The following DYNLL2 variants were observed in gnomAD, a reference collection of about 807,000 sequenced individuals.
DYNLL2 encodes the protein dynein light chain 2, cytoplasmic.
Under a neutral mutation model 9.7 loss-of-function variants are expected in DYNLL2, and 1 was observed. The ratio of observed to expected loss-of-function variants is 0.10; its 90% CI spans 0.04 to 0.49. The LOEUF (loss-of-function observed/expected upper bound fraction) is 0.49, where lower values mean the gene tolerates loss of function less well. Ranked by LOEUF, DYNLL2 falls within the 20% of genes least tolerant of loss-of-function variation. The pLI, the probability that DYNLL2 is intolerant of heterozygous loss-of-function variation, is 0.95. For missense variants in DYNLL2, 37 were observed against 115.2 expected (o/e 0.32, Z 3.11); for synonymous variants, 35 against 40.5 (o/e 0.86, Z 0.52).
rs1385227415 is a variant in DYNLL2, at chr17:58,093,933, T to G, written c.*4654T>G. The G allele has an allele frequency of 6.6e-6, 1 of 152,184 alleles. No individual in the cohort carries two copies. Among genetic ancestry groups the G allele is most frequent in the Non-Finnish European group, 1.5e-5 (1 of 68,040 alleles). The allele number at this position is 152,184 out of a possible 1,614,324, so 9.4% of individuals were successfully genotyped here. A position where few individuals can be genotyped will look rare whatever the true frequency, so the allele number is the denominator to read the frequency against. Reference sequence around the variant, plus strand: ...TGTGGGCTTGGTGTCCACATCAATGTGCGTGAATACTCCTACCCACAGACT... The same window carrying G: ...TGTGGGCTTGGTGTCCACATCAATGGGCGTGAATACTCCTACCCACAGACT... On this transcript the variant is annotated 3_prime_UTR_variant, in exon 3 of 3. Transcript: ENST00000579991.
In DYNLL2 at chr17:58,090,750, G is replaced by C. The variant is rs1472993024; in HGVS notation, c.*1471G>C. On this transcript the variant is annotated 3_prime_UTR_variant, in exon 3 of 3. Transcript: ENST00000579991. ...TCTGTTAATGAAATAGGAGTGGGGT[G>C]GGGTTTGGGGTGGGGTGGTCATTGC... The C allele has an allele frequency of 2.0e-5, 3 of 151,560 alleles. No homozygotes were observed. Among genetic ancestry groups the C allele is most frequent in the Non-Finnish European group, 2.9e-5 (2 of 67,902 alleles). The allele number at this position is 151,560 out of a possible 1,614,324, so 9.4% of individuals were successfully genotyped here.
intron 1 of DYNLL2, 86 bp from the exon 2 acceptor site, chr17:58,086,996 C>G: frequency 6.5e-7 from 1 of 1,534,422 alleles, no homozygotes; most frequent in Non-Finnish European, 8.9e-7. Context: ...ATACTCCCCT[C>G]TTGCACTGAG....
rs1049095243 is a variant in DYNLL2, at chr17:58,094,044, C to G, written c.*4765C>G. 1 of 152,196 alleles carries G rather than the reference C, an allele frequency of 6.6e-6. No homozygotes were observed. Among genetic ancestry groups the G allele is most frequent in the Non-Finnish European group, 1.5e-5 (1 of 68,070 alleles). The allele number at this position is 152,196 out of a possible 1,614,324, so 9.4% of individuals were successfully genotyped here. On this transcript the variant is annotated 3_prime_UTR_variant, in exon 3 of 3. Transcript: ENST00000579991. Reference sequence around the variant, plus strand: ...TTCTGCCTCTCCTTCCTCCCTTTGCCCAGATAAAGGTGTACAGTGTTTGTG... The same window carrying G: ...TTCTGCCTCTCCTTCCTCCCTTTGCGCAGATAAAGGTGTACAGTGTTTGTG...
chr17:58,085,830 G>A (rs1452925869), intron 1 of DYNLL2, among the ~76,000 whole-genome samples: 2 of 152,136 alleles, frequency 1.3e-5, no homozygotes, highest in Non-Finnish European at 2.9e-5. Flanking sequence ...GGGAAGGAAG[G>A]CTTCAGCATT....
At chr17:58,087,519 A>G (rs2075764672) in intron 2 of DYNLL2, among the ~76,000 whole-genome samples, 1 of 152,236 alleles carries the variant, frequency 6.6e-6, no homozygotes, top group South Asian at 2.1e-4. Context: ...GAGAAACTTC[A>G]GAATTAAATA....
rs993731532 is a variant in DYNLL2 at position 58,083,550 on chromosome 17, T to G, written c.-143T>G. ...CGGCAGGGAGCGATCGGCCTCGGGCTGCGGGAGCCGGAGACCGCGGCGGCG... is the reference window on the plus strand; with the variant it reads ...CGGCAGGGAGCGATCGGCCTCGGGCGGCGGGAGCCGGAGACCGCGGCGGCG... On this transcript the variant is annotated 5_prime_UTR_variant, in exon 1 of 3. Transcript: ENST00000579991. 6.5e-6 allele frequency: 1 copy of G among 153,452 alleles called. No homozygotes were observed. Among genetic ancestry groups the G allele is most frequent in the East Asian group, 1.9e-4 (1 of 5,160 alleles). 9.5% of individuals were successfully genotyped at this position (153,452 alleles called of 1,614,324 possible).
Position 58,091,577 on chromosome 17 carries a change from C to T in DYNLL2, c.*2298C>T, listed in dbSNP as rs1236596627. 1 of 152,212 alleles carries T rather than the reference C, an allele frequency of 6.6e-6. No homozygotes were observed. Among genetic ancestry groups the T allele is most frequent in the Non-Finnish European group, 1.5e-5 (1 of 68,052 alleles). 9.4% of individuals were successfully genotyped at this position (152,212 alleles called of 1,614,324 possible). ...TTGCTGCTTCAACTTTTGCCCAAAG[C>T]TCTTATCTTTCATACTCCTCCCTTC... On this transcript the variant is annotated 3_prime_UTR_variant, in exon 3 of 3. Transcript: ENST00000579991.
chr17:58,088,546 G>A (rs1485119462), intron 2 of DYNLL2, among the ~76,000 whole-genome samples: 1 of 152,176 alleles, frequency 6.6e-6, no homozygotes, highest in African/African-American at 2.4e-5. Flanking sequence ...GTGCCCCTTA[G>A]GGAATTGCCT....
chr17:58,086,563 A>C (rs1201519812), intron 1 of DYNLL2, among the ~76,000 whole-genome samples: 3 of 152,254 alleles, frequency 2.0e-5, no homozygotes, highest in South Asian at 2.1e-4. Context: ...ACTCAGGACC[A>C]GGAGTCAGGC....
chr17:58,086,375 G>A (rs1283969414), intron 1 of DYNLL2, among the ~76,000 whole-genome samples: 1 of 152,234 alleles, frequency 6.6e-6, no homozygotes, highest in South Asian at 2.1e-4. Context: ...AAAACAGGTG[G>A]TAGGCTGGAT....
At position 58,095,502 on chromosome 17, in the gene DYNLL2, C is replaced by T. The variant is rs2075794859; in HGVS notation, c.*6223C>T. On this transcript the variant is annotated 3_prime_UTR_variant, in exon 3 of 3. Transcript: ENST00000579991. ...GAGATTTTGTGTCTCCTTTTAGACA[C>T]AGTTAATAATGAGCATTAAAGTGGC... 1 of 152,190 alleles carries T rather than the reference C, an allele frequency of 6.6e-6. No homozygotes were observed. Among genetic ancestry groups the T allele is most frequent in the African/African-American group, 2.4e-5 (1 of 41,438 alleles). The allele number at this position is 152,190 out of a possible 1,614,324, so 9.4% of individuals were successfully genotyped here. A position where few individuals can be genotyped will look rare whatever the true frequency, so the allele number is the denominator to read the frequency against.
At position 58,089,470 on chromosome 17, in the gene DYNLL2, G is replaced by T; in HGVS notation, c.*191G>T. On this transcript the variant is annotated 3_prime_UTR_variant, in exon 3 of 3. Coordinates refer to ENST00000579991, the MANE Select transcript of DYNLL2 (RefSeq NM_080677.3). The stretch of plus-strand genomic sequence containing the variant: ...AACCTCTTTCTGTTTAGTTGCCTGG[G>T]GGAAGAAGGCTGCTTTATGTTTATT... 1.6e-6 allele frequency: 1 copy of T among 640,110 alleles called. No individual in the cohort carries two copies. The allele number at this position is 640,110 out of a possible 1,614,324, so 39.7% of individuals were successfully genotyped here. A position where few individuals can be genotyped will look rare whatever the true frequency, so the allele number is the denominator to read the frequency against.
intron 1 of DYNLL2, among the ~76,000 whole-genome samples, chr17:58,083,919 C>G (rs1176492017): frequency 6.6e-6 from 1 of 151,626 alleles, no homozygotes; most frequent in South Asian, 2.1e-4. Flanking sequence ...CGGCCACCCT[C>G]GTGGCGCTGC....
chr17:58,090,075 G>C lies in DYNLL2; in HGVS notation c.*796G>C, dbSNP rs551023571. 2 of 395,010 alleles carry C rather than the reference G, an allele frequency of 5.1e-6. No homozygotes were observed. The highest frequency in any genetic ancestry group is 4.1e-5 in the African/African-American group (2 of 48,614). 24.5% of individuals were successfully genotyped at this position (395,010 alleles called of 1,614,324 possible). A position where few individuals can be genotyped will look rare whatever the true frequency, so the allele number is the denominator to read the frequency against. ...TTTTCTCCTGTCTGCTCCCTGCTTA[G>C]CCCTCAGTTTCCTCATTCCTCTGGA... is the stretch of plus-strand genomic sequence containing the variant. On this transcript the variant is annotated 3_prime_UTR_variant, in exon 3 of 3. Coordinates refer to ENST00000579991, the MANE Select transcript of DYNLL2 (RefSeq NM_080677.3).
rs1461409303 is a variant in DYNLL2, at chr17:58,089,293, A to C, written c.*14A>C. 1.2e-6 allele frequency: 2 copies of C among 1,610,360 alleles called. No individual in the cohort carries two copies. Among genetic ancestry groups the C allele is most frequent in the Admixed American group, 3.4e-5 (2 of 59,238 alleles). On this transcript the variant is annotated 3_prime_UTR_variant, in exon 3 of 3. Transcript: ENST00000579991. ...AAGTCAGGCTAGGTGGCCATGGTGA[A>C]GGTGTCAGTGGCGGCGGCAGCGATG...
intron 1 of DYNLL2, among the ~76,000 whole-genome samples, chr17:58,084,023 G>C (rs948624696): frequency 4.7e-4 from 71 of 152,130 alleles, no homozygotes; most frequent in Non-Finnish European, 7.9e-4. Flanking sequence ...CGGGGAAGAG[G>C]GGGTGGAGAG....
chr17:58,086,960 C>G (rs543390997), intron 1 of DYNLL2, 122 bp from the exon 2 acceptor site: 30 of 1,186,074 alleles, frequency 2.5e-5, no homozygotes, highest in South Asian at 1.7e-4. Context: ...GCTTCACATC[C>G]GTGTTTTCTG....
At position 58,094,613 on chromosome 17, in the gene DYNLL2, G is replaced by C. The variant is rs760229130; in HGVS notation, c.*5334G>C. On this transcript the variant is annotated 3_prime_UTR_variant, in exon 3 of 3. Transcript: ENST00000579991. Reference sequence around the variant, plus strand: ...TTTACTAGGTTCTGAGCCCTGTACTGAACTCTGGATTGCCCTGTACTTGGT... The same window carrying C: ...TTTACTAGGTTCTGAGCCCTGTACTCAACTCTGGATTGCCCTGTACTTGGT... 2.6e-5 allele frequency: 4 copies of C among 152,226 alleles called. No homozygotes were observed. The highest frequency in any genetic ancestry group is 5.9e-5 in the Non-Finnish European group (4 of 68,056). 9.4% of individuals were successfully genotyped at this position (152,226 alleles called of 1,614,324 possible). A position where few individuals can be genotyped will look rare whatever the true frequency, so the allele number is the denominator to read the frequency against.
rs1482214219 is a variant in DYNLL2 at position 58,090,164 on chromosome 17, CTTAG to C, written c.*890_*893del. The C allele has an allele frequency of 2.7e-5, 10 of 367,960 alleles. No individual in the cohort carries two copies. Among genetic ancestry groups the C allele is most frequent in the Non-Finnish European group, 1.4e-5 (3 of 207,294 alleles). 22.8% of individuals were successfully genotyped at this position (367,960 alleles called of 1,614,324 possible). On this transcript the variant is annotated 3_prime_UTR_variant, in exon 3 of 3. Transcript: ENST00000579991. ...AGGGAATTTCTGGTGACTGTAGTTC[CTTAG>C]TTAGGTCTTAGCAATCAAACCAAAT... is the stretch of plus-strand genomic sequence containing the variant.
Sources: gnomAD v4.1 joint callset for allele counts (sites outside exome capture counted in the v4.1 genomes callset) on GRCh38, gnomAD v4.1.1 for gene constraint, MANE v1.5 for transcripts, NCBI Gene and HGNC (gene_info 2026-07-23, HGNC 2026-07-21) for gene names.